The following TRMT44 variants were observed in gnomAD, a reference collection of about 807,000 sequenced individuals.
TRMT44 encodes the protein tRNA methyltransferase 44 homolog.
A neutral mutation model predicts 77.3 loss-of-function variants in TRMT44; 78 were observed. The observed-to-expected ratio is 1.01, with a 90% CI of 0.84 to 1.22. The LOEUF (loss-of-function observed/expected upper bound fraction) is 1.22, where lower values mean the gene tolerates loss of function less well. Ranked by LOEUF, TRMT44 falls within the 50% of genes most tolerant of loss-of-function variation. The probability of loss-of-function intolerance (pLI) is 0.00; values close to 1 mark genes in which losing one functional copy is unlikely to be tolerated. For synonymous variants in TRMT44, 391 were observed against 383.3 expected (o/e 1.02, Z -0.23); for missense variants, 1,090 against 964.4 (o/e 1.13, Z -1.73).
At chr4:8,449,611 A>G in intron 2 of TRMT44, 58 bp from the exon 3 acceptor site, 1 of 1,314,168 alleles carries the variant, frequency 7.6e-7, no homozygotes, top group Non-Finnish European at 1.0e-6. Flanking sequence ...TAAATAGATA[A>G]TTTTAAAATA....
intron 6 of TRMT44, 61 bp downstream of exon 6, chr4:8,454,874 C>A: frequency 3.4e-6 from 5 of 1,480,382 alleles, no homozygotes; most frequent in Non-Finnish European, 4.7e-6. Flanking sequence ...GTGGGAATTG[C>A]TGTAATGAAT....
At chr4:8,462,947 C>A (rs926814804) in intron 6 of TRMT44, among the ~76,000 whole-genome samples, 3 of 152,156 alleles carry the variant, frequency 2.0e-5, no homozygotes, top group Non-Finnish European at 1.5e-5. Context: ...TACGTATACC[C>A]TTGAACAATA....
At chr4:8,459,507 C>G (rs904901408) in intron 6 of TRMT44, among the ~76,000 whole-genome samples, 1 of 152,230 alleles carries the variant, frequency 6.6e-6, no homozygotes, top group Non-Finnish European at 1.5e-5. Flanking sequence ...CTCAGCTCTT[C>G]TGTTCTTGAC....
chr4:8,498,171 C>T (rs1728204221), downstream of TRMT44, among the ~76,000 whole-genome samples: 1 of 152,286 alleles, frequency 6.6e-6, no homozygotes, highest in Non-Finnish European at 1.5e-5. This position sits in a 1 kb window ranked among gnomAD's most constrained non-coding sequence, Gnocchi z 4.3. Context: ...GTTTGGGCAG[C>T]TGTGAACTCC....
chr4:8,496,104 T>C (rs962561927), downstream of TRMT44, among the ~76,000 whole-genome samples: 21 of 152,186 alleles, frequency 1.4e-4, no homozygotes, highest in Admixed American at 1.3e-4. Flanking sequence ...TTCATTTGCA[T>C]AGAGTGAACC....
intron 10 of TRMT44, 62 bp downstream of exon 10, chr4:8,471,262 T>C (rs746455406): frequency 1.4e-5 from 17 of 1,205,780 alleles, no homozygotes; most frequent in Non-Finnish European, 2.0e-5. Flanking sequence ...TTCAGTTAAA[T>C]AATGTTTTAT....
intron 8 of TRMT44, among the ~76,000 whole-genome samples, chr4:8,466,346 C>A (rs952126198): frequency 6.6e-6 from 1 of 152,232 alleles, no homozygotes; most frequent in Admixed American, 6.5e-5. Flanking sequence ...CTCCGCTAAG[C>A]CTGTCCTCAC....
chr4:8,452,163 C>A lies in TRMT44; in HGVS notation c.1023+135C>A. ...ATTCTGCTGGCCAAGGTTGGTTTCTCGTGTAATGGTTTGACTTCATGTGGT... is the reference window on the plus strand; with the variant it reads ...ATTCTGCTGGCCAAGGTTGGTTTCTAGTGTAATGGTTTGACTTCATGTGGT... On this transcript the variant is annotated intron_variant, in intron 4 of 10. Transcript: ENST00000389737. This position sits in a 1 kb window ranked among gnomAD's most constrained non-coding sequence, Gnocchi z 5.7. 1 of 780,394 alleles carries A rather than the reference C, an allele frequency of 1.3e-6. No homozygotes were observed. 48.3% of individuals were successfully genotyped at this position (780,394 alleles called of 1,614,324 possible).
At chr4:8,486,846 G>T (rs1577067233) in intron 2 of TRMT44, among the ~76,000 whole-genome samples, 2 of 152,310 alleles carry the variant, frequency 1.3e-5, no homozygotes, top group East Asian at 3.9e-4. Flanking sequence ...GGATTATAGG[G>T]TGGAGGAGTG....
At chr4:8,483,220 C>G (rs1487217213) in intron 2 of TRMT44, among the ~76,000 whole-genome samples, 1 of 152,164 alleles carries the variant, frequency 6.6e-6, no homozygotes, top group African/African-American at 2.4e-5. Context: ...CAGCATAGTC[C>G]TGCCAGCAAA....
chr4:8,487,434 G>C (rs1727845034), intron 2 of TRMT44, among the ~76,000 whole-genome samples: 1 of 152,076 alleles, frequency 6.6e-6, no homozygotes, highest in Admixed American at 6.5e-5. Flanking sequence ...TGGAAATAAG[G>C]GGTTGAGGTG....
At chr4:8,457,679 G>A (rs1043938206) in intron 6 of TRMT44, among the ~76,000 whole-genome samples, 1 of 152,206 alleles carries the variant, frequency 6.6e-6, no homozygotes, top group African/African-American at 2.4e-5. Context: ...AAAAGGCCAT[G>A]AAAGCTACCG....
In TRMT44 at chr4:8,468,346, G is replaced by T; in HGVS notation, c.1927G>T (p.Glu643Ter). Residue 643 changes from glutamate (E) to a stop codon, truncating the protein, a stop_gained and splice_region_variant, in exon 9 of 11, where the codon GAG becomes TAG. Transcript: ENST00000389737. LOFTEE classifies it high-confidence loss of function. ...NGSLKTWNGG[E>*]SLSLAEVANE... The stretch of plus-strand genomic sequence containing the variant: ...GAGTTTGAAGACCTGGAATGGGGGA[G>T]GTAAGCTGTCCACCATCTTAGGGAG... 1 of 1,613,844 alleles carries T rather than the reference G, an allele frequency of 6.2e-7. No homozygotes were observed. The highest frequency in any genetic ancestry group is 1.1e-5 in the South Asian group (1 of 91,086).
At chr4:8,491,323 GACTCA>G (rs1727995897) in intron 2 of TRMT44, among the ~76,000 whole-genome samples, 1 of 152,248 alleles carries the variant, frequency 6.6e-6, no homozygotes, top group African/African-American at 2.4e-5. Context: ...ATCCCCACCA[GACTCA>G]GGAGCCCAGG....
chr4:8,467,032 C>T (rs992579775), intron 8 of TRMT44, among the ~76,000 whole-genome samples: 2 of 152,220 alleles, frequency 1.3e-5, no homozygotes, highest in African/African-American at 4.8e-5. Context: ...GGTGCCCTTG[C>T]TGGGGCTGGG....
the TRMT44 span, among the ~76,000 whole-genome samples, chr4:8,499,786 G>A: frequency 6.6e-6 from 1 of 152,156 alleles, no homozygotes; most frequent in Non-Finnish European, 1.5e-5. Flanking sequence ...GGAGGGACGG[G>A]TTCAGAAGAA....
At chr4:8,487,840 G>C (rs1727865926) in intron 2 of TRMT44, among the ~76,000 whole-genome samples, 1 of 152,186 alleles carries the variant, frequency 6.6e-6, no homozygotes, top group Admixed American at 6.5e-5. Flanking sequence ...AGGCGTCCAT[G>C]AGTGGTCTGA....
At chr4:8,443,444 T>C (rs1000599109) in intron 1 of TRMT44, among the ~76,000 whole-genome samples, 2 of 152,236 alleles carry the variant, frequency 1.3e-5, no homozygotes, top group African/African-American at 4.8e-5. Context: ...CCATGGAATA[T>C]AGACAGCCTG....
the TRMT44 span, among the ~76,000 whole-genome samples, chr4:8,501,897 C>T: frequency 6.6e-6 from 1 of 152,198 alleles, no homozygotes; most frequent in Non-Finnish European, 1.5e-5. The surrounding 1 kb of genome is among the most constrained non-coding windows in gnomAD (Gnocchi z 4.4). Context: ...GGTCCTGACC[C>T]CTGCCCACAT....
Sources: allele counts gnomAD v4.1 joint callset (sites outside exome capture counted in the v4.1 genomes callset), GRCh38; gene constraint gnomAD v4.1.1; non-coding constraint Gnocchi (gnomAD v3.1); transcripts MANE v1.5; gene names NCBI Gene and HGNC (gene_info 2026-07-23, HGNC 2026-07-21).